The following TFEB variants were observed in gnomAD, a reference collection of about 807,000 sequenced individuals.
TFEB encodes transcription factor EB.
In TFEB, 12 loss-of-function variants were observed where a neutral mutation model predicts 48.0. The observed-to-expected ratio is 0.25, with a 90% CI of 0.16 to 0.40. The LOEUF (loss-of-function observed/expected upper bound fraction) is 0.40. TFEB is among the 10% of genes least tolerant of loss of function. The pLI, the probability that TFEB is intolerant of heterozygous loss-of-function variation, is 1.00. For synonymous variants in TFEB, 244 were observed against 261.4 expected (o/e 0.93, Z 0.64); for missense variants, 509 against 640.3 (o/e 0.79, Z 2.21).
At position 41,690,793 on chromosome 6, in the gene TFEB, C is replaced by T. The variant is rs1430440554; in HGVS notation, c.338G>A (p.Gly113Asp). 6.2e-7 allele frequency: 1 copy of T among 1,612,642 alleles called. No individual in the cohort carries two copies. The highest frequency in any genetic ancestry group is 8.5e-7 in the Non-Finnish European group (1 of 1,179,408). Residue 113 changes from glycine (G) to aspartate (D), a missense_variant, in exon 3 of 9, where the codon GGC becomes GAC. Coordinates refer to ENST00000373033, the MANE Select transcript of TFEB (RefSeq NM_001271944.2). Reference protein sequence around the residue: ...KFAAHISPAQGSPKPPPAASP... With the variant: ...KFAAHISPAQDSPKPPPAASP... ...GGCGGCTGGTGGGGGTTTCGGAGAG[C>T]CCTGGGCTGGGCTGATGTGGGCAGC...
At position 41,734,908 on chromosome 6, in the gene TFEB, C is replaced by T. The variant is rs996854967; in HGVS notation, c.-23+442G>A. On this transcript the variant is annotated intron_variant, in intron 1 of 8. Coordinates refer to ENST00000373033, the MANE Select transcript of TFEB (RefSeq NM_001271944.2). This position sits in a 1 kb window ranked among gnomAD's most constrained non-coding sequence, Gnocchi z 4.0. ...CCGCACACCTCCCCTACCTCCGACCCCCTCTCAGGCATCGCCGGCCCCAGC... is the reference window on the plus strand; with the variant it reads ...CCGCACACCTCCCCTACCTCCGACCTCCTCTCAGGCATCGCCGGCCCCAGC... 1 of 985,322 alleles carries T rather than the reference C, an allele frequency of 1.0e-6. No individual in the cohort carries two copies. The highest frequency in any genetic ancestry group is 1.7e-5 in the African/African-American group (1 of 57,222). The allele number at this position is 985,322 out of a possible 1,614,324, so 61.0% of individuals were successfully genotyped here. A position where few individuals can be genotyped will look rare whatever the true frequency, so the allele number is the denominator to read the frequency against.
At chr6:41,709,775 C>A (rs1463176181) in intron 1 of TFEB, among the ~76,000 whole-genome samples, 2 of 152,144 alleles carry the variant, frequency 1.3e-5, no homozygotes, top group Non-Finnish European at 2.9e-5. Context: ...ATATCCCTTT[C>A]CATTAAATTT....
chr6:41,687,024 G>T, intron 7 of TFEB, 70 bp downstream of exon 7: 1 of 1,326,128 alleles, frequency 7.5e-7, no homozygotes, highest in Non-Finnish European at 1.1e-6. Flanking sequence ...GCATGGGGCT[G>T]AGGGCAGATA....
intron 1 of TFEB, among the ~76,000 whole-genome samples, chr6:41,711,370 T>C (rs1770467898): frequency 6.6e-6 from 1 of 152,170 alleles, no homozygotes; most frequent in East Asian, 1.9e-4. Context: ...TCCCCACCGC[T>C]GTGGCCTTAG....
chr6:41,729,556 C>A (rs1188842026), intron 1 of TFEB, among the ~76,000 whole-genome samples: 1 of 152,254 alleles, frequency 6.6e-6, no homozygotes, highest in Non-Finnish European at 1.5e-5. Context: ...GCTCCAAGCA[C>A]CTTCACAGCA....
intron 1 of TFEB, among the ~76,000 whole-genome samples, chr6:41,707,851 T>G (rs925567927): frequency 6.6e-6 from 1 of 152,156 alleles, no homozygotes; most frequent in Non-Finnish European, 1.5e-5. Context: ...CCCGGCTGAC[T>G]AAAAGGCAGC....
chr6:41,703,104 A>T (rs1770021613), intron 1 of TFEB, among the ~76,000 whole-genome samples: 1 of 152,176 alleles, frequency 6.6e-6, no homozygotes, highest in Admixed American at 6.5e-5. Flanking sequence ...CAGCCTTAGG[A>T]TCCAGCCTTT....
chr6:41,694,058 C>T (rs570160845), intron 1 of TFEB, among the ~76,000 whole-genome samples: 25 of 152,192 alleles, frequency 1.6e-4, no homozygotes, highest in Admixed American at 1.1e-3. Context: ...GTGTGGGCAC[C>T]GGGCCTGGCA....
At position 41,687,193 on chromosome 6, in the gene TFEB, G is replaced by C. The variant is rs371308152; in HGVS notation, c.728-24C>G. 447 of 1,612,720 alleles carry C rather than the reference G, an allele frequency of 2.8e-4. 1 individual carries two copies. The highest frequency in any genetic ancestry group is 2.9e-4 in the Non-Finnish European group (340 of 1,179,030). ...AACTAAAGGTAACAGATTCCAGAAGGAGCAATTAGAGGGATGGGGACCCCC... is the reference window on the plus strand; with the variant it reads ...AACTAAAGGTAACAGATTCCAGAAGCAGCAATTAGAGGGATGGGGACCCCC... On this transcript the variant is annotated intron_variant, in intron 6 of 8. Coordinates refer to ENST00000373033, the MANE Select transcript of TFEB (RefSeq NM_001271944.2).
intron 4 of TFEB, among the ~76,000 whole-genome samples, chr6:41,689,495 C>T (rs966961085): frequency 2.0e-5 from 3 of 152,246 alleles, no homozygotes; most frequent in Non-Finnish European, 4.4e-5. Flanking sequence ...TCCCCAGCCC[C>T]TTCTCCCCTC....
rs540658593 is a variant in TFEB at position 41,730,239 on chromosome 6, G to A, written c.-23+5111C>T. ...TACCCAGCCAGGCTGCAGTAAGATG[G>A]AACAGTGCCCCGGTCTCTCTGAAAT... is the stretch of plus-strand genomic sequence containing the variant. On this transcript the variant is annotated intron_variant, in intron 1 of 8. Transcript: ENST00000373033. The surrounding 1 kb of genome is among the most constrained non-coding windows in gnomAD (Gnocchi z 4.1). Among the ~76,000 whole-genome samples the A allele has an allele frequency of 6.6e-6, 1 of 152,320 alleles. No homozygotes were observed. Among genetic ancestry groups the A allele is most frequent in the Admixed American group, 6.5e-5 (1 of 15,302 alleles).
intron 1 of TFEB, among the ~76,000 whole-genome samples, chr6:41,697,406 CTCA>C (rs1300749650): frequency 6.0e-5 from 1 of 16,672 alleles, no homozygotes; most frequent in African/African-American, 4.5e-4. Flanking sequence ...GAAACTCCAT[CTCA>C]AAAAAAAAAA....
chr6:41,687,619 C>T, intron 6 of TFEB, 134 bp downstream of exon 6: 1 of 1,137,546 alleles, frequency 8.8e-7, no homozygotes, highest in South Asian at 1.4e-5. Flanking sequence ...AATGGGAGGG[C>T]TTAAGCCATC....
chr6:41,729,701 C>CG (rs1771371560), intron 1 of TFEB, among the ~76,000 whole-genome samples: 1 of 152,102 alleles, frequency 6.6e-6, no homozygotes, highest in Non-Finnish European at 1.5e-5. Context: ...GCTGCAAGGC[C>CG]GAACAGTGGA....
rs1028837781 is a variant in TFEB, at chr6:41,733,828, C to A, written c.-23+1522G>T. 227 of 985,484 alleles carry A rather than the reference C, an allele frequency of 2.3e-4. 2 individuals carry two copies. Among genetic ancestry groups the A allele is most frequent in the Non-Finnish European group, 5.7e-5 (47 of 830,110 alleles). 61.0% of individuals were successfully genotyped at this position (985,484 alleles called of 1,614,324 possible). ...CTCCCAGTCGTGGCACCAAGAACTG[C>A]GTTCTAACCGAGCGCATCCGCATCT... On this transcript the variant is annotated intron_variant, in intron 1 of 8. Coordinates refer to ENST00000373033, the MANE Select transcript of TFEB (RefSeq NM_001271944.2).
chr6:41,685,130 C>T lies in TFEB; in HGVS notation c.952-52G>A, dbSNP rs1300822264. 7 of 1,384,752 alleles carry T rather than the reference C, an allele frequency of 5.1e-6. No individual in the cohort carries two copies. The East Asian group carries it at 1.7e-4, about 34-fold the overall frequency. 85.8% of individuals were successfully genotyped at this position (1,384,752 alleles called of 1,614,324 possible). On this transcript the variant is annotated intron_variant, in intron 8 of 8. Coordinates refer to ENST00000373033, the MANE Select transcript of TFEB (RefSeq NM_001271944.2). ...GGAACACACCTATGGGCACCAGCCA[C>T]CAGGACCCCTCCCCTGGGCCTCTAT...
At chr6:41,699,406 C>A (rs1158308024) in intron 1 of TFEB, among the ~76,000 whole-genome samples, 2 of 152,230 alleles carry the variant, frequency 1.3e-5, no homozygotes, top group Non-Finnish European at 2.9e-5. Flanking sequence ...CAGACTGGGG[C>A]AGAGCAGCCT....
chr6:41,714,880 C>A (rs1006107427), intron 1 of TFEB, among the ~76,000 whole-genome samples: 1 of 152,192 alleles, frequency 6.6e-6, no homozygotes, highest in Non-Finnish European at 1.5e-5. Flanking sequence ...GGAGTCCATG[C>A]CAAGTCAGAG....
chr6:41,695,747 G>T (rs926685181), intron 1 of TFEB, among the ~76,000 whole-genome samples: 2 of 152,140 alleles, frequency 1.3e-5, no homozygotes, highest in African/African-American at 2.4e-5. Flanking sequence ...ATAGTTCTTC[G>T]TTCCACTGGA....
Sources: allele counts gnomAD v4.1 joint callset (sites outside exome capture counted in the v4.1 genomes callset), GRCh38; gene constraint gnomAD v4.1.1; non-coding constraint Gnocchi (gnomAD v3.1); transcripts MANE v1.5; gene names NCBI Gene and HGNC (gene_info 2026-07-23, HGNC 2026-07-21).